Variants in DSCAML1 observed in about 807,000 individuals in gnomAD.
DSCAML1 encodes DS cell adhesion molecule like 1.
Under a neutral mutation model 200.5 loss-of-function variants are expected in DSCAML1, and 38 were observed. That is an observed-to-expected ratio of 0.19 (90% CI 0.15 to 0.25). The LOEUF is 0.25. DSCAML1 is among the 10% of genes least tolerant of loss of function. DSCAML1 has a pLI of 1.00. For missense variants in DSCAML1, 2,223 were observed against 2,858.8 expected (o/e 0.78, Z 5.07); for synonymous variants, 1,215 against 1,165.0 (o/e 1.04, Z -0.87).
chr11:117,433,392 G>A, intron 28 of DSCAML1, 49 bp downstream of exon 28: 1 of 1,610,256 alleles, frequency 6.2e-7, no homozygotes, highest in Non-Finnish European at 8.5e-7. Context: ...GTCCTCCTCA[G>A]GACAGAGGGG....
At chr11:117,776,457 A>G (rs1465348970) in intron 3 of DSCAML1, among the ~76,000 whole-genome samples, 1 of 151,988 alleles carries the variant, frequency 6.6e-6, no homozygotes, top group Non-Finnish European at 1.5e-5. Flanking sequence ...AGGTGCTTCC[A>G]GCCTTGCCTC....
intron 3 of DSCAML1, among the ~76,000 whole-genome samples, chr11:117,654,002 G>C (rs1010561735): frequency 1.3e-5 from 2 of 152,122 alleles, no homozygotes; most frequent in African/African-American, 2.4e-5. Context: ...CTCCAGCCTG[G>C]GTGAGAGAAT....
intron 3 of DSCAML1, among the ~76,000 whole-genome samples, chr11:117,649,163 G>A (rs540370801): frequency 2.0e-3 from 303 of 150,146 alleles, no homozygotes; most frequent in African/African-American, 7.1e-3. Context: ...TGCAACCTCC[G>A]CCTCCCAGGG....
At chr11:117,750,240 C>T (rs147111915) in intron 3 of DSCAML1, among the ~76,000 whole-genome samples, 15 of 152,306 alleles carry the variant, frequency 9.8e-5, no homozygotes, top group South Asian at 8.3e-4. Context: ...CCAGCCTGCA[C>T]GCTGCACACC....
intron 11 of DSCAML1, among the ~76,000 whole-genome samples, chr11:117,483,432 T>C (rs2048971148): frequency 6.6e-6 from 1 of 152,192 alleles, no homozygotes; most frequent in Non-Finnish European, 1.5e-5. Context: ...TCAGCAAGGA[T>C]TCATTGAGAC....
chr11:117,811,787 C>T (rs779157843), intron 1 of DSCAML1, among the ~76,000 whole-genome samples: 1 of 152,204 alleles, frequency 6.6e-6, no homozygotes, highest in Non-Finnish European at 1.5e-5. Context: ...TAGACCATCG[C>T]GGATGCCGAG....
At chr11:117,770,524 G>A (rs970801582) in intron 3 of DSCAML1, among the ~76,000 whole-genome samples, 2 of 152,062 alleles carry the variant, frequency 1.3e-5, no homozygotes, top group African/African-American at 4.8e-5. Flanking sequence ...AGGTCTCCCA[G>A]TGTCCTCCAT....
At chr11:117,773,856 G>A (rs2055083298) in intron 3 of DSCAML1, among the ~76,000 whole-genome samples, 1 of 152,104 alleles carries the variant, frequency 6.6e-6, no homozygotes, top group Non-Finnish European at 1.5e-5. Context: ...TGGAGGGCTG[G>A]GCCAGGAGAG....
At chr11:117,491,842 G>C (rs891135924) in intron 11 of DSCAML1, among the ~76,000 whole-genome samples, 2 of 152,100 alleles carry the variant, frequency 1.3e-5, no homozygotes, top group African/African-American at 4.8e-5. Context: ...GTAGAATCAG[G>C]GGCCCAAGAA....
intron 20 of DSCAML1, among the ~76,000 whole-genome samples, chr11:117,449,253 T>C (rs2048237719): frequency 6.6e-6 from 1 of 152,096 alleles, no homozygotes; most frequent in Non-Finnish European, 1.5e-5. Context: ...TGTTGTAATG[T>C]CCTGTTCTGT....
At chr11:117,728,680 C>A (rs1297486945) in intron 3 of DSCAML1, among the ~76,000 whole-genome samples, 2 of 152,012 alleles carry the variant, frequency 1.3e-5, no homozygotes, top group Non-Finnish European at 2.9e-5. Context: ...AGAAATAATT[C>A]TATTTACAAT....
chr11:117,742,346 G>A (rs1168113588), intron 3 of DSCAML1, among the ~76,000 whole-genome samples: 1 of 152,172 alleles, frequency 6.6e-6, no homozygotes, highest in Non-Finnish European at 1.5e-5. Context: ...CAAACATGGT[G>A]CAATTTACAG....
intron 1 of DSCAML1, among the ~76,000 whole-genome samples, chr11:117,811,905 C>T (rs1359092392): frequency 6.6e-6 from 1 of 152,238 alleles, no homozygotes; most frequent in Non-Finnish European, 1.5e-5. Context: ...CCCTTGCCTC[C>T]ATAACTGCTG....
chr11:117,725,386 C>T (rs542414826), intron 3 of DSCAML1, among the ~76,000 whole-genome samples: 1 of 152,256 alleles, frequency 6.6e-6, no homozygotes, highest in South Asian at 2.1e-4. Context: ...CAGGAGGTTT[C>T]AGAAGGCTGG....
At chr11:117,536,739 T>C (rs2050178319) in intron 3 of DSCAML1, among the ~76,000 whole-genome samples, 1 of 152,154 alleles carries the variant, frequency 6.6e-6, no homozygotes, top group Admixed American at 6.5e-5. Context: ...TTGATTGACA[T>C]ATTTCAAAGG....
In DSCAML1 at chr11:117,522,984, G is replaced by A. The variant is rs116625541; in HGVS notation, c.938-1579C>T. 1.2e-3 allele frequency among the ~76,000 whole-genome samples: 177 copies of A among 152,294 alleles called. 1 individual carries two copies. Among genetic ancestry groups the A allele is most frequent in the African/African-American group, 4.1e-3 (170 of 41,548 alleles). ...AGATGCATTCAGGGTCAGTGTGGGA[G>A]TGTACACATCTGGAAGTGGTGACTT... On this transcript the variant is annotated intron_variant, in intron 5 of 32. Coordinates refer to ENST00000651296, the MANE Select transcript of DSCAML1 (RefSeq NM_020693.4).
In DSCAML1 at chr11:117,433,153, C is replaced by T. The variant is rs766491551; in HGVS notation, c.5011G>A (p.Gly1671Ser). ...TGTCACTCACCCAGTTGCTTGATGC[C>T]TTCTTTGTCCTCGATGAGCAGCTGG... Reference protein sequence around the residue: ...RVQLLIEDKEGIKQLGDDKAT... With the variant: ...RVQLLIEDKESIKQLGDDKAT... The change falls in exon 29 of 33, where the codon GGC becomes AGC. Residue 1671 changes from glycine (G) to serine (S), a missense_variant. By Grantham distance (56) the Gly-to-Ser change is moderately conservative (BLOSUM62 0). This residue lies in a region of DSCAML1 where 614 missense variants were observed against 739.1 expected (regional missense o/e 0.83). Coordinates refer to ENST00000651296, the MANE Select transcript of DSCAML1 (RefSeq NM_020693.4). 1.9e-6 allele frequency: 3 copies of T among 1,613,898 alleles called. No homozygotes were observed. The highest frequency in any genetic ancestry group is 8.5e-7 in the Non-Finnish European group (1 of 1,179,878).
At chr11:117,636,723 G>A (rs2052294018) in intron 3 of DSCAML1, among the ~76,000 whole-genome samples, 1 of 152,148 alleles carries the variant, frequency 6.6e-6, no homozygotes, top group South Asian at 2.1e-4. Flanking sequence ...TACTAACTGT[G>A]TAACCCTAGG....
chr11:117,521,592 G>A (rs2049888544), intron 5 of DSCAML1, among the ~76,000 whole-genome samples, 187 bp from the exon 6 acceptor site: 1 of 152,174 alleles, frequency 6.6e-6, no homozygotes, highest in East Asian at 1.9e-4. Flanking sequence ...ACTCATTTGT[G>A]AAATGGCAGG....
Sources: allele counts gnomAD v4.1 joint callset (sites outside exome capture counted in the v4.1 genomes callset), GRCh38; gene constraint gnomAD v4.1.1; regional missense constraint gnomAD v4.1.1; transcripts MANE v1.5; gene names NCBI Gene and HGNC (gene_info 2026-07-23, HGNC 2026-07-21).